CCBE1: variants seen among roughly 807,000 people sequenced by gnomAD.
The protein encoded by CCBE1 is collagen and calcium-binding EGF domain-containing protein 1.
A neutral mutation model predicts 50.0 loss-of-function variants in CCBE1; 37 were observed. The observed-to-expected ratio is 0.74, with a 90% CI of 0.57 to 0.97. The LOEUF is 0.97. Among genes scored for constraint, CCBE1 ranks in the 50% least tolerant of loss-of-function variants. CCBE1 has a pLI of 0.00. For synonymous variants in CCBE1, 234 were observed against 203.7 expected (o/e 1.15, Z -1.27); for missense variants, 538 against 523.8 (o/e 1.03, Z -0.26).
At chr18:59,533,644 A>C (rs1317720959) in intron 2 of CCBE1, among the ~76,000 whole-genome samples, 1 of 152,246 alleles carries the variant, frequency 6.6e-6, no homozygotes, top group African/African-American at 2.4e-5. Context: ...TCATTATAAC[A>C]AACGTTTATC....
intron 2 of CCBE1, among the ~76,000 whole-genome samples, chr18:59,573,303 G>GTATATATATATATATATATATATATATA (rs1555694218): frequency 9.5e-6 from 1 of 105,202 alleles, no homozygotes; most frequent in Non-Finnish European, 2.0e-5. Flanking sequence ...ATATATATAT[G>GTATATATATATATATATATATATATATA]TATGTATGTG....
At chr18:59,625,303 C>T (rs1358823762) in intron 2 of CCBE1, among the ~76,000 whole-genome samples, 2 of 151,840 alleles carry the variant, frequency 1.3e-5, no homozygotes, top group African/African-American at 2.4e-5. Context: ...TGGTGGTGGG[C>T]GCCTGTGGTC....
At chr18:59,565,040 T>A (rs1356002893) in intron 2 of CCBE1, among the ~76,000 whole-genome samples, 1 of 152,170 alleles carries the variant, frequency 6.6e-6, no homozygotes, top group African/African-American at 2.4e-5. Context: ...CATGATGGGC[T>A]TGGCTAACAC....
At chr18:59,576,473 A>G (rs1003779281) in intron 2 of CCBE1, among the ~76,000 whole-genome samples, 14 of 152,218 alleles carry the variant, frequency 9.2e-5, no homozygotes, top group Non-Finnish European at 1.8e-4. Flanking sequence ...AGAAATATCA[A>G]TGTTAAATGG....
chr18:59,644,041 G>C (rs2054024391), intron 2 of CCBE1, among the ~76,000 whole-genome samples: 2 of 152,186 alleles, frequency 1.3e-5, no homozygotes, highest in African/African-American at 4.8e-5. Context: ...CCAGGGACTG[G>C]TTTCATGGAA....
chr18:59,512,572 G>A (rs1166451230), intron 2 of CCBE1, among the ~76,000 whole-genome samples: 1 of 152,246 alleles, frequency 6.6e-6, no homozygotes, highest in East Asian at 1.9e-4. Flanking sequence ...GCCATTCCCT[G>A]TATGACAGAC....
chr18:59,594,695 T>C (rs2053324718), intron 2 of CCBE1, among the ~76,000 whole-genome samples: 1 of 152,166 alleles, frequency 6.6e-6, no homozygotes, highest in East Asian at 1.9e-4. Context: ...TAGATACTCA[T>C]TTCCTCGGTG....
intron 2 of CCBE1, among the ~76,000 whole-genome samples, chr18:59,529,555 G>C (rs1345316704): frequency 2.0e-5 from 3 of 152,230 alleles, no homozygotes; most frequent in Non-Finnish European, 4.4e-5. Flanking sequence ...GGTTTCCTGG[G>C]GAGGGTAGCA....
At chr18:59,588,308 T>A (rs1326514697) in intron 2 of CCBE1, among the ~76,000 whole-genome samples, 1 of 152,146 alleles carries the variant, frequency 6.6e-6, no homozygotes, top group East Asian at 1.9e-4. Context: ...ATGCCTGTAA[T>A]CTTAGTACTT....
chr18:59,648,363 A>T lies in CCBE1; in HGVS notation c.212+48266T>A, dbSNP rs181661430. ...TGGCTGGGCCTCACAGAACCCTGTGACAGACTAACCTCAGTTTCTGGAACC... is the reference window on the plus strand; with the variant it reads ...TGGCTGGGCCTCACAGAACCCTGTGTCAGACTAACCTCAGTTTCTGGAACC... On this transcript the variant is annotated intron_variant, in intron 2 of 10. Transcript: ENST00000439986. Among the ~76,000 whole-genome samples, 259 of 152,312 alleles carry T rather than the reference A, an allele frequency of 1.7e-3. 2 individuals are homozygous for T. Among genetic ancestry groups the T allele is most frequent in the African/African-American group, 6.0e-3 (250 of 41,562 alleles).
At chr18:59,522,386 C>T (rs1201674568) in intron 2 of CCBE1, among the ~76,000 whole-genome samples, 2 of 152,106 alleles carry the variant, frequency 1.3e-5, no homozygotes, top group African/African-American at 4.8e-5. Flanking sequence ...CATCAAACTT[C>T]TAAGTAAAGA....
At chr18:59,558,022 A>G (rs1254653722) in intron 2 of CCBE1, among the ~76,000 whole-genome samples, 1 of 152,162 alleles carries the variant, frequency 6.6e-6, no homozygotes, top group African/African-American at 2.4e-5. Flanking sequence ...GAAACCCCTA[A>G]AACTCCCCGG....
chr18:59,627,649 G>A (rs2053802873), intron 2 of CCBE1, among the ~76,000 whole-genome samples: 1 of 152,166 alleles, frequency 6.6e-6, no homozygotes, highest in African/African-American at 2.4e-5. Flanking sequence ...TGTGACAGAA[G>A]AGGCAGAGAC....
chr18:59,683,428 G>T (rs1379693493), intron 2 of CCBE1, among the ~76,000 whole-genome samples: 1 of 152,224 alleles, frequency 6.6e-6, no homozygotes, highest in Non-Finnish European at 1.5e-5. Flanking sequence ...AGGCGGGGTG[G>T]CTCACGCCTG....
chr18:59,483,790 GC>G (rs1328175867), intron 2 of CCBE1, among the ~76,000 whole-genome samples: 1 of 152,188 alleles, frequency 6.6e-6, no homozygotes, highest in African/African-American at 2.4e-5. Flanking sequence ...TATGAAGTAT[GC>G]TTTCAATATA....
chr18:59,521,585 T>G (rs1335358617), intron 2 of CCBE1, among the ~76,000 whole-genome samples: 2 of 152,226 alleles, frequency 1.3e-5, no homozygotes, highest in Non-Finnish European at 1.5e-5. Context: ...CTCTGGATAC[T>G]TCTGCCAGCC....
Position 59,439,827 on chromosome 18 carries a change from A to G in CCBE1, c.776-11T>C, listed in dbSNP as rs772791173. ...TTGGTCCTGGTGAGCCTGTAATCAA[A>G]GAACACCTCATTAGCTCACAGCACA... On this transcript the variant is annotated splice_polypyrimidine_tract_variant and intron_variant, in intron 7 of 10. Transcript: ENST00000439986. The G allele has an allele frequency of 9.9e-6, 16 of 1,613,032 alleles. No individual in the cohort carries two copies. In the Admixed American group the frequency reaches 2.3e-4, roughly 24 times the overall value.
chr18:59,543,117 C>T (rs1462132488), intron 2 of CCBE1, among the ~76,000 whole-genome samples: 2 of 151,938 alleles, frequency 1.3e-5, no homozygotes, highest in Non-Finnish European at 2.9e-5. Context: ...CCAATGCTTT[C>T]CATATTTTAC....
At chr18:59,660,125 A>T (rs1425998645) in intron 2 of CCBE1, among the ~76,000 whole-genome samples, 1 of 152,192 alleles carries the variant, frequency 6.6e-6, no homozygotes, top group Non-Finnish European at 1.5e-5. Flanking sequence ...CCCAGCTGAG[A>T]GTGCCGAAAG....
Sources: gnomAD v4.1 joint callset for allele counts (sites outside exome capture counted in the v4.1 genomes callset) on GRCh38, gnomAD v4.1.1 for gene constraint, MANE v1.5 for transcripts, NCBI Gene and HGNC (gene_info 2026-07-23, HGNC 2026-07-21) for gene names.